RPSA: variants seen among roughly 807,000 people sequenced by gnomAD.
RPSA encodes ribosomal protein SA, also known as small ribosomal subunit protein uS2.
For synonymous variants in RPSA, 103 were observed against 126.7 expected, an observed-to-expected ratio of 0.81 and a Z score of 1.25; for missense variants, 140 against 372.8, an observed-to-expected ratio of 0.38 and a Z score of 5.14.
Position 39,411,795 on chromosome 3 carries a change from CTTGTGG to C in RPSA, c.627+21_627+26del, listed in dbSNP as rs760377402. 3.8e-6 allele frequency: 6 copies of C among 1,599,662 alleles called. No individual in the cohort carries two copies. The highest frequency in any genetic ancestry group is 5.1e-6 in the Non-Finnish European group (6 of 1,179,882). On this transcript the variant is annotated intron_variant, in intron 5 of 6. Coordinates refer to ENST00000301821, the MANE Select transcript of RPSA (RefSeq NM_002295.6). ...CTGAAGAGGTAAGCTTCTCCAAAGG[CTTGTGG>C]TTACATAAGCAAATTGGACGACTTG...
intron 3 of RPSA, 165 bp downstream of exon 3, chr3:39,408,889 G>T: frequency 1.7e-6 from 1 of 598,392 alleles, no homozygotes; most frequent in Non-Finnish European, 3.0e-6. Flanking sequence ...ACGAGGTCAG[G>T]AGATCCACAC....
At chr3:39,408,396 A>G (rs1480373000) in intron 2 of RPSA, 11 of 751,086 alleles carry the variant, frequency 1.5e-5, no homozygotes, top group Admixed American at 1.4e-4. Flanking sequence ...TAGGCTGCAC[A>G]CTATTAAAGC....
chr3:39,407,884 C>T, intron 2 of RPSA, 98 bp downstream of exon 2: 1 of 918,858 alleles, frequency 1.1e-6, no homozygotes, highest in Non-Finnish European at 1.7e-6. Context: ...TTTCTATCTT[C>T]CTTAAATGAA....
chr3:39,411,257 TAG>T (rs1373531283), intron 4 of RPSA: 4 of 708,548 alleles, frequency 5.6e-6, no homozygotes, highest in Non-Finnish European at 7.8e-6. Flanking sequence ...ATTTGGAAAA[TAG>T]TGTGTTCTTC....
intron 4 of RPSA, chr3:39,411,243 A>T: frequency 1.4e-6 from 1 of 721,760 alleles, no homozygotes; most frequent in Non-Finnish European, 2.6e-6. Context: ...GGAGAAATGA[A>T]AACATTTGGA....
chr3:39,411,105 C>T (rs1249041838), intron 4 of RPSA, 106 bp downstream of exon 4: 9 of 1,417,476 alleles, frequency 6.3e-6, no homozygotes, highest in South Asian at 2.3e-5. Context: ...CCGATGAACT[C>T]GCAAGTGTAG....
chr3:39,408,753 T>C (rs543844278), intron 3 of RPSA, 29 bp downstream of exon 3: 1 of 1,146,868 alleles, frequency 8.7e-7, no homozygotes, highest in African/African-American at 1.5e-5. Flanking sequence ...AGTTTTTATA[T>C]TATAGAAATA....
At chr3:39,409,692 A>G (rs1276070644) in intron 3 of RPSA, among the ~76,000 whole-genome samples, 1 of 152,330 alleles carries the variant, frequency 6.6e-6, no homozygotes, top group Admixed American at 6.5e-5. Context: ...AATCTTAGCC[A>G]GTCATGACGG....
In RPSA at chr3:39,409,843, G is replaced by C. The variant is rs555537290; in HGVS notation, c.253-911G>C. Among the ~76,000 whole-genome samples, 25 of 133,332 alleles carry C rather than the reference G, an allele frequency of 1.9e-4. No individual in the cohort carries two copies. The East Asian group carries it at 5.6e-3, about 30-fold the overall frequency. 87.5% of individuals were successfully genotyped at this position (133,332 alleles called of 152,430 possible). A position where few individuals can be genotyped will look rare whatever the true frequency, so the allele number is the denominator to read the frequency against. On this transcript the variant is annotated intron_variant, in intron 3 of 6. Coordinates refer to ENST00000301821, the MANE Select transcript of RPSA (RefSeq NM_002295.6). ...GAGTGAGATCCTGTTTCTTAAAAAA[G>C]CCAGTCATGGGTGGCTCATGCTTTT...
intron 1 of RPSA, 196 bp downstream of exon 1, chr3:39,406,960 C>A (rs777543991): frequency 6.6e-6 from 3 of 451,592 alleles, no homozygotes; most frequent in South Asian, 4.7e-5. Flanking sequence ...GCCCCGGGAG[C>A]GGGTGGAGGC....
At position 39,406,739 on chromosome 3, in the gene RPSA, G is replaced by A. The variant is rs1436539661; in HGVS notation, c.-59G>A. The A allele has an allele frequency of 1.3e-5, 5 of 393,680 alleles. No homozygotes were observed. The highest frequency in any genetic ancestry group is 2.1e-5 in the African/African-American group (1 of 46,762). The allele number at this position is 393,680 out of a possible 1,614,324, so 24.4% of individuals were successfully genotyped here. A position where few individuals can be genotyped will look rare whatever the true frequency, so the allele number is the denominator to read the frequency against. ...GCCTGTCTTTTCCGTGCTACCTGCAGAGGGGTCCATACGGCGTTGTTCTGG... is the reference window on the plus strand; with the variant it reads ...GCCTGTCTTTTCCGTGCTACCTGCAAAGGGGTCCATACGGCGTTGTTCTGG... On this transcript the variant is annotated 5_prime_UTR_variant, in exon 1 of 7. Coordinates refer to ENST00000301821, the MANE Select transcript of RPSA (RefSeq NM_002295.6).
At chr3:39,411,080 G>A (rs777161234) in intron 4 of RPSA, 81 bp downstream of exon 4, 1 of 1,548,108 alleles carries the variant, frequency 6.5e-7, no homozygotes, top group East Asian at 2.2e-5. Flanking sequence ...GCTTGGAGTT[G>A]AGGCTACTGA....
Position 39,411,688 on chromosome 3 carries a change from CG to C in RPSA, c.541del (p.Glu181LysfsTer42). 6.2e-7 allele frequency: 1 copy of C among 1,604,748 alleles called. No individual in the cohort carries two copies. On this transcript the variant is annotated frameshift_variant, in exon 5 of 7. Coordinates refer to ENST00000301821, the MANE Select transcript of RPSA (RefSeq NM_002295.6). LOFTEE classifies it high-confidence loss of function. Reference protein sequence around the residue: ...SVGLMWWMLAREVLRMRGTIS... With the variant: ...SVGLMWWMLAXEVLRMRGTIS... Reference sequence around the variant, plus strand: ...GGGTTTGATGTGGTGGATGCTGGCTCGGGAAGTTCTGCGCATGCGTGGCACC... The same window carrying C: ...GGGTTTGATGTGGTGGATGCTGGCTCGGAAGTTCTGCGCATGCGTGGCACC...
chr3:39,407,072 C>T (rs764909766), intron 1 of RPSA: 1 of 452,128 alleles, frequency 2.2e-6, no homozygotes, highest in Non-Finnish European at 4.4e-6. Context: ...CCTTCGGAGT[C>T]CCACACGGCG....
rs2041997338 is a variant in RPSA, at chr3:39,410,969, T to C, written c.468T>C (p.Tyr156=). ...GTAACACAGATTCTCCTCTGCGCTA[T>C]GTGGACATTGCCATCCCATGCAACA... The part of the protein sequence containing the change: ...ALCNTDSPLR[Y]VDIAIPCNNK... The change falls in exon 4 of 7, where the codon TAT becomes TAC. Residue 156 remains tyrosine (Y), a synonymous_variant. Transcript: ENST00000301821. 1.3e-6 allele frequency: 2 copies of C among 1,599,536 alleles called. No homozygotes were observed. Among genetic ancestry groups the C allele is most frequent in the Non-Finnish European group, 8.5e-7 (1 of 1,179,830 alleles).
chr3:39,406,829 T>C, intron 1 of RPSA, 65 bp downstream of exon 1: 1 of 456,018 alleles, frequency 2.2e-6, no homozygotes, highest in Non-Finnish European at 4.4e-6. Context: ...CCTGCTCAAA[T>C]GAAGGGTGAG....
At chr3:39,408,575 A>G (rs1344444163) in intron 2 of RPSA, 31 bp from the exon 3 acceptor site, 1 of 1,167,754 alleles carries the variant, frequency 8.6e-7, no homozygotes, top group South Asian at 1.2e-5. Flanking sequence ...CAGCCAGGTC[A>G]AGTGTTACAA....
chr3:39,411,816 T>G (rs1471294189), intron 5 of RPSA, 39 bp downstream of exon 5: 1 of 1,599,378 alleles, frequency 6.3e-7, no homozygotes, highest in East Asian at 2.2e-5. Flanking sequence ...ATAAGCAAAT[T>G]GGACGACTTG....
At chr3:39,411,551 C>T in intron 4 of RPSA, 98 bp from the exon 5 acceptor site, 2 of 1,301,550 alleles carry the variant, frequency 1.5e-6, no homozygotes, top group Non-Finnish European at 2.2e-6. Flanking sequence ...TAAGAGATGT[C>T]TGTACTTTTG....
Sources: gnomAD v4.1 joint callset for allele counts (sites outside exome capture counted in the v4.1 genomes callset) on GRCh38, gnomAD v4.1.1 for gene constraint, MANE v1.5 for transcripts, NCBI Gene and HGNC (gene_info 2026-07-23, HGNC 2026-07-21) for gene names.